Variants in ATP5MC2 observed in about 807,000 individuals in gnomAD.
ATP5MC2 encodes the protein ATP synthase membrane subunit c locus 2, also known as ATP synthase F(0) complex subunit C2, mitochondrial.
In ATP5MC2, 11 loss-of-function variants were observed where a neutral mutation model predicts 13.5. The ratio of observed to expected loss-of-function variants is 0.81; its 90% confidence interval spans 0.51 to 1.35. The LOEUF is 1.35. ATP5MC2 is among the 40% of genes most tolerant of loss of function. The pLI is 0.00. For missense variants in ATP5MC2, 132 were observed against 175.0 expected, an observed-to-expected ratio of 0.75 and a Z score of 1.39; for synonymous variants, 64 against 69.7, an observed-to-expected ratio of 0.92 and a Z score of 0.41.
chr12:53,669,821 T>G, intron 3 of ATP5MC2, 50 bp downstream of exon 3: 1 of 1,585,948 alleles, frequency 6.3e-7, no homozygotes, highest in Non-Finnish European at 8.6e-7. Context: ...CAGGTAACCC[T>G]CCCCACCCAT....
rs543729426 is a variant in ATP5MC2, at chr12:53,666,250, C to A, written c.312-822G>T. Among the ~76,000 whole-genome samples, 6 of 152,014 alleles carry A rather than the reference C, an allele frequency of 3.9e-5. No individual in the cohort carries two copies. The South Asian group carries it at 1.2e-3, about 32-fold the overall frequency. ...CTTGAGGTCAGGAGTTCGAGACCAG[C>A]CTGGCCAACCTGGTGAAACCCTGTC... On this transcript the variant is annotated intron_variant, in intron 4 of 4. Coordinates refer to ENST00000394349, the MANE Select transcript of ATP5MC2 (RefSeq NM_005176.7).
intron 2 of ATP5MC2, among the ~76,000 whole-genome samples, chr12:53,672,082 T>TAAAAAAAAA (rs1371799170): frequency 4.8e-5 from 1 of 20,832 alleles, no homozygotes; most frequent in African/African-American, 7.9e-4. Flanking sequence ...AAACTCTGTC[T>TAAAAAAAAA]CAAAAAAAAA....
upstream of ATP5MC2, chr12:53,676,274 C>A: frequency 2.0e-6 from 3 of 1,523,500 alleles, no homozygotes; most frequent in Non-Finnish European, 2.6e-6. Context: ...ACAGGGAGCG[C>A]CGACTGCAGA....
chr12:53,666,449 C>T (rs187549977), intron 4 of ATP5MC2, among the ~76,000 whole-genome samples: 174 of 152,080 alleles, frequency 1.1e-3, no homozygotes, highest in African/African-American at 3.6e-3. Flanking sequence ...TGTTGGCAGG[C>T]GCTTGTAGTC....
rs1224099084 is a variant in ATP5MC2, at chr12:53,667,948, TACACAC to T, written c.311+1194_311+1199del. On this transcript the variant is annotated intron_variant, in intron 4 of 4. Transcript: ENST00000394349. ...ATAAACATTCTAATACATACATACA[TACACAC>T]ACATATATATATATATATATATATA... Among the ~76,000 whole-genome samples the T allele has an allele frequency of 4.7e-3, 236 of 50,270 alleles. 1 individual carries two copies. In the East Asian group the frequency reaches 0.1, roughly 21 times the overall value. 33.0% of individuals were successfully genotyped at this position (50,270 alleles called of 152,430 possible). A position where few individuals can be genotyped will look rare whatever the true frequency, so the allele number is the denominator to read the frequency against.
Position 53,665,262 on chromosome 12 carries a change from C to G in ATP5MC2, c.*52G>C. The G allele has an allele frequency of 2.0e-6, 3 of 1,476,646 alleles. No homozygotes were observed. Among genetic ancestry groups the G allele is most frequent in the Non-Finnish European group, 2.8e-6 (3 of 1,078,896 alleles). 91.5% of individuals were successfully genotyped at this position (1,476,646 alleles called of 1,614,324 possible). On this transcript the variant is annotated 3_prime_UTR_variant, in exon 5 of 5. Transcript: ENST00000394349. ...GCCTGGGGAGGTATAGGAAAAGGAACACACGGGGCCAACCAGACGCGGGAG... is the reference window on the plus strand; with the variant it reads ...GCCTGGGGAGGTATAGGAAAAGGAAGACACGGGGCCAACCAGACGCGGGAG...
intron 4 of ATP5MC2, among the ~76,000 whole-genome samples, chr12:53,666,796 A>C (rs1944927081): frequency 6.6e-6 from 1 of 151,066 alleles, no homozygotes; most frequent in Non-Finnish European, 1.5e-5. Context: ...AAAATAAAAA[A>C]TTAGCCGGGC....
At chr12:53,665,947 AGACAAGAGTAAGAGG>A (rs1944902114) in intron 4 of ATP5MC2, among the ~76,000 whole-genome samples, 1 of 152,208 alleles carries the variant, frequency 6.6e-6, no homozygotes, top group South Asian at 2.1e-4. Flanking sequence ...CTCTTCTAGA[AGACAAGAGTAAGAGG>A]GACAGATTAT....
chr12:53,678,355 C>T (rs1368100754), upstream of ATP5MC2, among the ~76,000 whole-genome samples: 5 of 109,284 alleles, frequency 4.6e-5, no homozygotes, highest in African/African-American at 1.2e-4. Flanking sequence ...ACCACCACCA[C>T]CACCACCACC....
upstream of ATP5MC2, among the ~76,000 whole-genome samples, chr12:53,679,441 C>T (rs1458348552): frequency 1.2e-4 from 18 of 152,326 alleles, no homozygotes; most frequent in East Asian, 2.9e-3. Flanking sequence ...GAACAGCTGT[C>T]TTCGAGGCAG....
At chr12:53,676,324 G>GGACTGCGGTTTGGTCTGTACCGCA (rs1231865259), upstream of ATP5MC2, 3 of 1,394,196 alleles carry the variant, frequency 2.2e-6, no homozygotes, top group African/African-American at 4.3e-5. Flanking sequence ...TCCGTAACGT[G>GGACTGCGGTTTGGTCTGTACCGCA]GACTGCGGTT....
intron 1 of ATP5MC2, chr12:53,673,351 A>C (rs10783594): frequency 0.26 from 35,544 of 136,054 alleles, 4,244 homozygotes; most frequent in Admixed American, 0.3. Context: ...AACAAACAAA[A>C]AGTTGCCCTT....
At chr12:53,667,950 CACACACATATATATATAT>C (rs1472113284) in intron 4 of ATP5MC2, among the ~76,000 whole-genome samples, 3 of 37,280 alleles carry the variant, frequency 8.0e-5, no homozygotes, top group Admixed American at 3.4e-4. Context: ...TACATACATA[CACACACATATATATATAT>C]ATATATATAT....
upstream of ATP5MC2, among the ~76,000 whole-genome samples, chr12:53,680,447 G>A (rs1945334857): frequency 6.6e-6 from 1 of 152,282 alleles, no homozygotes; most frequent in South Asian, 2.1e-4. Flanking sequence ...GGATTTAATA[G>A]GCTATATGAG....
upstream of ATP5MC2, among the ~76,000 whole-genome samples, chr12:53,680,176 G>A (rs904924853): frequency 2.6e-5 from 4 of 152,066 alleles, no homozygotes; most frequent in Non-Finnish European, 5.9e-5. Context: ...TGTAAGGATA[G>A]GGTTTCACTA....
chr12:53,668,880 G>A (rs886966350), intron 4 of ATP5MC2, among the ~76,000 whole-genome samples: 4 of 151,930 alleles, frequency 2.6e-5, no homozygotes, highest in African/African-American at 9.7e-5. Flanking sequence ...TTAGGTGGGC[G>A]TCATTGTGTG....
rs1419258290 is a variant in ATP5MC2, at chr12:53,665,332, G to A, written c.408C>T (p.Leu136=). ...GGCTCCTTCACATGGCAAAGAGGAT[G>A]AGAAAGGCTACCATCAGACAAAAGA... ...MGLFCLMVAF[L]ILFAM is the part of the protein sequence containing the mutation. Residue 136 remains leucine, a synonymous_variant, in exon 5 of 5, where the codon CTC becomes CTT. Transcript: ENST00000394349. 21 of 1,612,466 alleles carry A rather than the reference G, an allele frequency of 1.3e-5. No homozygotes were observed. The highest frequency in any genetic ancestry group is 1.6e-5 in the Non-Finnish European group (19 of 1,179,652).
intron 1 of ATP5MC2, 28 bp from the exon 2 acceptor site, chr12:53,672,673 C>G: frequency 6.4e-7 from 1 of 1,553,456 alleles, no homozygotes; most frequent in South Asian, 1.2e-5. Context: ...GTATTGTAAA[C>G]GCTCCTTATT....
At chr12:53,670,657 C>T (rs1257196294) in intron 2 of ATP5MC2, among the ~76,000 whole-genome samples, 7 of 150,558 alleles carry the variant, frequency 4.6e-5, no homozygotes, top group African/African-American at 1.5e-4. Context: ...CTTGCTGTAT[C>T]GCCAGGCTGG....
Sources: gnomAD v4.1 joint callset for allele counts (sites outside exome capture counted in the v4.1 genomes callset) on GRCh38, gnomAD v4.1.1 for gene constraint, MANE v1.5 for transcripts, NCBI Gene and HGNC (gene_info 2026-07-23, HGNC 2026-07-21) for gene names.